EYS: variants seen among roughly 807,000 people sequenced by gnomAD.
The protein encoded by EYS is protein eyes shut homolog.
EYS carries 250 observed loss-of-function variants against 282.1 expected under a neutral mutation model. The observed-to-expected ratio is 0.89, with a 90% confidence interval of 0.80 to 0.98. The LOEUF (loss-of-function observed/expected upper bound fraction) is 0.98, where lower values mean the gene tolerates loss of function less well. Ranked by LOEUF, EYS falls within the 50% of genes least tolerant of loss-of-function variation. The pLI is 0.00. For missense variants in EYS, 4,016 were observed against 3,709.0 expected (o/e 1.08, Z -2.15); for synonymous variants, 1,355 against 1,282.9 (o/e 1.06, Z -1.20).
intron 16 of EYS, among the ~76,000 whole-genome samples, chr6:64,902,805 G>T (rs1485653570): frequency 3.9e-5 from 6 of 152,066 alleles, no homozygotes; most frequent in Non-Finnish European, 5.9e-5. Context: ...TGAACAAGAA[G>T]AATTGAAATG....
At chr6:64,470,023 G>C (rs528320416) in intron 26 of EYS, among the ~76,000 whole-genome samples, 1 of 152,090 alleles carries the variant, frequency 6.6e-6, no homozygotes, top group Non-Finnish European at 1.5e-5. Flanking sequence ...CTATCCAATG[G>C]ACACGTGACC....
intron 2 of EYS, among the ~76,000 whole-genome samples, chr6:65,597,647 T>A (rs186306318): frequency 7.2e-5 from 11 of 152,220 alleles, no homozygotes; most frequent in Admixed American, 5.2e-4. Flanking sequence ...TCTGGAGGCT[T>A]CTATAACAGC....
At chr6:65,578,588 T>C (rs948709355) in intron 2 of EYS, among the ~76,000 whole-genome samples, 1 of 151,812 alleles carries the variant, frequency 6.6e-6, no homozygotes, top group African/African-American at 2.4e-5. Context: ...AGCAATAGAT[T>C]TTGAAGTGTT....
chr6:64,398,311 T>C (rs1773439943), intron 28 of EYS, among the ~76,000 whole-genome samples: 1 of 151,882 alleles, frequency 6.6e-6, no homozygotes, highest in African/African-American at 2.4e-5. Flanking sequence ...AGTAAGAAAC[T>C]TGAACACGCG....
chr6:65,175,849 A>G (rs1439524325), intron 12 of EYS, among the ~76,000 whole-genome samples: 1 of 151,520 alleles, frequency 6.6e-6, no homozygotes, highest in African/African-American at 2.4e-5. Context: ...AGAACTTACT[A>G]ATTTACACAC....
At chr6:64,934,804 T>C (rs964861653) in intron 15 of EYS, among the ~76,000 whole-genome samples, 9 of 151,868 alleles carry the variant, frequency 5.9e-5, no homozygotes, top group African/African-American at 2.2e-4. Flanking sequence ...CTATAGAATC[T>C]TAATTATTCA....
intron 13 of EYS, among the ~76,000 whole-genome samples, chr6:65,022,203 A>G (rs1278357310): frequency 6.6e-6 from 1 of 152,222 alleles, no homozygotes; most frequent in Non-Finnish European, 1.5e-5. Flanking sequence ...GCTTAGCTGA[A>G]AGATCATTTT....
intron 35 of EYS, among the ~76,000 whole-genome samples, chr6:63,884,037 C>G (rs924989529): frequency 6.6e-6 from 1 of 152,084 alleles, no homozygotes; most frequent in Non-Finnish European, 1.5e-5. Context: ...TGTATTGTAC[C>G]TAGAATTATA....
chr6:65,137,641 G>A (rs1320715594), intron 12 of EYS, among the ~76,000 whole-genome samples: 2 of 151,964 alleles, frequency 1.3e-5, no homozygotes, highest in Non-Finnish European at 2.9e-5. Context: ...AATGGCTGCT[G>A]GATATAAGGA....
At chr6:65,065,274 T>G (rs528609554) in intron 12 of EYS, among the ~76,000 whole-genome samples, 99 of 152,276 alleles carry the variant, frequency 6.5e-4, no homozygotes, top group South Asian at 1.2e-3. Context: ...TAGAAATACT[T>G]ACTTCCCAGA....
intron 15 of EYS, among the ~76,000 whole-genome samples, chr6:64,918,310 T>C (rs1768227495): frequency 1.3e-5 from 2 of 152,024 alleles, no homozygotes; most frequent in South Asian, 4.1e-4. Context: ...TTGATATGGG[T>C]AAAATGAAAG....
intron 12 of EYS, among the ~76,000 whole-genome samples, chr6:65,226,920 G>T (rs758281948): frequency 7.9e-5 from 12 of 152,184 alleles, no homozygotes; most frequent in Non-Finnish European, 1.6e-4. Context: ...AACAAACAAT[G>T]GAATATTATT....
At chr6:63,859,080 T>TG (rs1772467892) in intron 36 of EYS, among the ~76,000 whole-genome samples, 1 of 21,194 alleles carries the variant, frequency 4.7e-5, no homozygotes, top group Admixed American at 7.9e-4. Context: ...AGAGAGTTTT[T>TG]TTTTTTTTTT....
At chr6:64,106,672 G>A (rs554185487) in intron 31 of EYS, among the ~76,000 whole-genome samples, 6 of 151,624 alleles carry the variant, frequency 4.0e-5, no homozygotes, top group African/African-American at 7.3e-5. Flanking sequence ...GGCATTTATC[G>A]TGCTTGGTGT....
intron 26 of EYS, among the ~76,000 whole-genome samples, chr6:64,472,928 T>A (rs545238275): frequency 8.5e-4 from 130 of 152,258 alleles, no homozygotes; most frequent in Non-Finnish European, 1.4e-3. Flanking sequence ...GATGAAAGAC[T>A]GTACTTTTAC....
intron 31 of EYS, among the ~76,000 whole-genome samples, chr6:64,224,029 AGAT>A (rs1275753142): frequency 1.3e-5 from 2 of 152,092 alleles, no homozygotes; most frequent in African/African-American, 4.8e-5. Flanking sequence ...GTGGGGCAGA[AGAT>A]AGTGCCAAAA....
intron 12 of EYS, among the ~76,000 whole-genome samples, chr6:65,140,062 G>A (rs1764289299): frequency 6.6e-6 from 1 of 151,940 alleles, no homozygotes; most frequent in African/African-American, 2.4e-5. Context: ...ATACCAAAAT[G>A]TGACAGATTT....
intron 26 of EYS, among the ~76,000 whole-genome samples, chr6:64,492,833 G>A (rs1312973695): frequency 6.6e-6 from 1 of 151,264 alleles, no homozygotes; most frequent in Non-Finnish European, 1.5e-5. Flanking sequence ...TAAAAGGAGA[G>A]ACTAGTCTGG....
chr6:65,592,694 T>C (rs1765271258), intron 2 of EYS, among the ~76,000 whole-genome samples: 1 of 152,030 alleles, frequency 6.6e-6, no homozygotes, highest in South Asian at 2.1e-4. Context: ...CCTGCCATGA[T>C]GCACCACTAC....
Sources: gnomAD v4.1 joint callset for allele counts (sites outside exome capture counted in the v4.1 genomes callset) on GRCh38, gnomAD v4.1.1 for gene constraint, MANE v1.5 for transcripts, NCBI Gene and HGNC (gene_info 2026-07-23, HGNC 2026-07-21) for gene names.